Variants in TAFA5 observed in about 807,000 individuals in gnomAD.
The protein encoded by TAFA5 is TAFA chemokine like family member 5.
TAFA5 carries 6 observed loss-of-function variants against 15.3 expected under a neutral mutation model. That is an observed-to-expected ratio of 0.39 (90% CI 0.21 to 0.77). The LOEUF is 0.77. TAFA5 is among the 30% of genes least tolerant of loss of function. The pLI, the probability that TAFA5 is intolerant of heterozygous loss-of-function variation, is 0.41. For synonymous variants in TAFA5, 103 were observed against 80.7 expected (o/e 1.28, Z -1.48); for missense variants, 161 against 193.1 (o/e 0.83, Z 0.98).
At chr22:48,574,339 G>A (rs1344352757) in intron 1 of TAFA5, among the ~76,000 whole-genome samples, 1 of 152,120 alleles carries the variant, frequency 6.6e-6, no homozygotes, top group Non-Finnish European at 1.5e-5. Flanking sequence ...TTCGTGGATG[G>A]CCTCTCCCCT....
Position 48,750,095 on chromosome 22 carries a change from CTG to C in TAFA5, c.*251_*252del. ...GCACCTGGCATCAGCAATACGCAGTCTGTGGGAGCCCGGCCGCGCCCAGCCCC... is the reference window on the plus strand; with the variant it reads ...GCACCTGGCATCAGCAATACGCAGTCTGGGAGCCCGGCCGCGCCCAGCCCC... On this transcript the variant is annotated 3_prime_UTR_variant, in exon 4 of 4. Coordinates refer to ENST00000402357, the MANE Select transcript of TAFA5 (RefSeq NM_001082967.3). 1.8e-6 allele frequency: 1 copy of C among 555,150 alleles called. No homozygotes were observed. Among genetic ancestry groups the C allele is most frequent in the Admixed American group, 3.3e-5 (1 of 30,734 alleles). 34.4% of individuals were successfully genotyped at this position (555,150 alleles called of 1,614,324 possible).
intron 1 of TAFA5, among the ~76,000 whole-genome samples, chr22:48,639,471 G>A (rs1003797370): frequency 6.6e-6 from 1 of 152,214 alleles, no homozygotes. Flanking sequence ...CACACGGTTT[G>A]TGGGTCTGCG....
At chr22:48,557,867 T>C (rs913537428) in intron 1 of TAFA5, among the ~76,000 whole-genome samples, 5 of 152,162 alleles carry the variant, frequency 3.3e-5, no homozygotes, top group South Asian at 2.1e-4. Flanking sequence ...CCCCTGAAAA[T>C]GGGTCCCAGG....
At chr22:48,707,435 G>A (rs1376216957) in intron 2 of TAFA5, among the ~76,000 whole-genome samples, 3 of 152,152 alleles carry the variant, frequency 2.0e-5, no homozygotes, top group Non-Finnish European at 4.4e-5. Flanking sequence ...AGGGGCCATG[G>A]CTCTGCTTCA....
intron 3 of TAFA5, 77 bp from the exon 4 acceptor site, chr22:48,749,762 G>C (rs1009245439): frequency 6.6e-7 from 1 of 1,517,702 alleles, no homozygotes; most frequent in African/African-American, 1.4e-5. Flanking sequence ...GCCGGGGAGG[G>C]AAGAGGAGCC....
chr22:48,543,727 A>G (rs889093202), intron 1 of TAFA5: 13 of 152,436 alleles, frequency 8.5e-5, no homozygotes. Context: ...TGCTCAGTGC[A>G]GAGGCTGCTC....
intron 1 of TAFA5, among the ~76,000 whole-genome samples, chr22:48,600,732 G>T (rs1225982104): frequency 6.6e-6 from 1 of 152,214 alleles, no homozygotes; most frequent in Non-Finnish European, 1.5e-5. Context: ...CTTCTGCGTA[G>T]GGTGGTGGTG....
chr22:48,534,172 G>A (rs1196847665), intron 1 of TAFA5, among the ~76,000 whole-genome samples: 1 of 148,632 alleles, frequency 6.7e-6, no homozygotes, highest in Non-Finnish European at 1.5e-5. Context: ...GGGCCAGGCA[G>A]GTGAGGTGGG....
Position 48,489,640 on chromosome 22 carries a change from GC to G in TAFA5, c.51del (p.Ser18AlafsTer10). On this transcript the variant is annotated frameshift_variant, in exon 1 of 4. Transcript: ENST00000402357. LOFTEE classifies it high-confidence loss of function. This position sits in a 1 kb window ranked among gnomAD's most constrained non-coding sequence, Gnocchi z 5.5. ...GCAGCCGGCAAGATGCGACCGCCCT[GC>G]CCAGCATGTCCTCAACTTTCTGGGC... ...TGSRQDATAL[P>X]SMSSTFWAFM... 1.3e-6 allele frequency: 2 copies of G among 1,527,380 alleles called. No homozygotes were observed. The highest frequency in any genetic ancestry group is 2.0e-5 in the Admixed American group (1 of 49,850). 94.6% of individuals were successfully genotyped at this position (1,527,380 alleles called of 1,614,324 possible). A position where few individuals can be genotyped will look rare whatever the true frequency, so the allele number is the denominator to read the frequency against.
chr22:48,615,813 C>CAGAG (rs1925582092), intron 1 of TAFA5, among the ~76,000 whole-genome samples: 2 of 152,006 alleles, frequency 1.3e-5, no homozygotes, highest in African/African-American at 2.4e-5. Flanking sequence ...AGCTCCTGTC[C>CAGAG]GCAGAGAACC....
chr22:48,666,469 A>G lies in TAFA5; in HGVS notation c.262+19723A>G, dbSNP rs548737510. ...CTGGACTCTCTTATTGGCAAGGTCC[A>G]CTGGTTACAATTGATGAGCCAATAC... On this transcript the variant is annotated intron_variant, in intron 2 of 3. Coordinates refer to ENST00000402357, the MANE Select transcript of TAFA5 (RefSeq NM_001082967.3). Among the ~76,000 whole-genome samples the G allele has an allele frequency of 6.0e-5, 3 of 50,338 alleles. No homozygotes were observed. The East Asian group carries it at 5.4e-3, about 91-fold the overall frequency. The allele number at this position is 50,338 out of a possible 152,430, so 33.0% of individuals were successfully genotyped here.
Position 48,489,654 on chromosome 22 carries a change from C to A in TAFA5, c.62C>A (p.Ser21Ter). The change falls in exon 1 of 4, where the codon TCA becomes TAA. Residue 21 changes from serine to a stop codon, truncating the protein, a stop_gained. Coordinates refer to ENST00000402357, the MANE Select transcript of TAFA5 (RefSeq NM_001082967.3). LOFTEE classifies it high-confidence loss of function. The surrounding 1 kb of genome is among the most constrained non-coding windows in gnomAD (Gnocchi z 5.5). The part of the protein sequence containing the change: ...QDATALPSMS[S>*]TFWAFMILAS... The stretch of plus-strand genomic sequence containing the variant: ...GCGACCGCCCTGCCCAGCATGTCCT[C>A]AACTTTCTGGGCGTTCATGATCCTG... 6.5e-7 allele frequency: 1 copy of A among 1,532,360 alleles called. No homozygotes were observed. The highest frequency in any genetic ancestry group is 8.8e-7 in the Non-Finnish European group (1 of 1,140,172). The allele number at this position is 1,532,360 out of a possible 1,614,324, so 94.9% of individuals were successfully genotyped here. A position where few individuals can be genotyped will look rare whatever the true frequency, so the allele number is the denominator to read the frequency against.
At chr22:48,557,815 T>G (rs1024367527) in intron 1 of TAFA5, among the ~76,000 whole-genome samples, 1 of 152,126 alleles carries the variant, frequency 6.6e-6, no homozygotes, top group African/African-American at 2.4e-5. Flanking sequence ...TAGAGCTCCC[T>G]CCCCGAGGTC....
At chr22:48,657,057 C>T (rs1927277557) in intron 2 of TAFA5, among the ~76,000 whole-genome samples, 1 of 152,144 alleles carries the variant, frequency 6.6e-6, no homozygotes, top group South Asian at 2.1e-4. Flanking sequence ...AGGTGTGAGC[C>T]ACTGCCCACC....
intron 3 of TAFA5, among the ~76,000 whole-genome samples, chr22:48,722,453 A>T (rs1396134210): frequency 6.6e-6 from 1 of 152,226 alleles, no homozygotes; most frequent in Non-Finnish European, 1.5e-5. Flanking sequence ...AACTAACAAC[A>T]GGAACAGAAA....
chr22:48,719,272 C>T (rs1266537527), intron 3 of TAFA5, among the ~76,000 whole-genome samples: 1 of 152,160 alleles, frequency 6.6e-6, no homozygotes, highest in Non-Finnish European at 1.5e-5. Context: ...AACCGCCCCT[C>T]GGGTGAGGTG....
intron 1 of TAFA5, among the ~76,000 whole-genome samples, chr22:48,531,152 G>A (rs1921958075): frequency 6.6e-6 from 1 of 152,164 alleles, no homozygotes; most frequent in Non-Finnish European, 1.5e-5. Flanking sequence ...GGGTCTGCAT[G>A]GGGAACCTTC....
rs181908340 is a variant in TAFA5, at chr22:48,707,348, G to A, written c.263-369G>A. Among the ~76,000 whole-genome samples the A allele has an allele frequency of 4.1e-3, 623 of 152,240 alleles. 3 individuals carry two copies. Among genetic ancestry groups the A allele is most frequent in the African/African-American group, 0.015 (603 of 41,542 alleles). On this transcript the variant is annotated intron_variant, in intron 2 of 3. Coordinates refer to ENST00000402357, the MANE Select transcript of TAFA5 (RefSeq NM_001082967.3). ...GCTGTATCTGAGGATGTCCTGACTG[G>A]GAACCCCCTCCTCCTGCCTTCTTCT...
At chr22:48,626,956 C>T (rs1385447416) in intron 1 of TAFA5, among the ~76,000 whole-genome samples, 4 of 152,186 alleles carry the variant, frequency 2.6e-5, no homozygotes, top group Non-Finnish European at 2.9e-5. Context: ...TCCTGTCCTC[C>T]GTGGGATTGC....
Sources: gnomAD v4.1 joint callset for allele counts (sites outside exome capture counted in the v4.1 genomes callset) on GRCh38, gnomAD v4.1.1 for gene constraint, Gnocchi (gnomAD v3.1) non-coding constraint, MANE v1.5 for transcripts, NCBI Gene and HGNC (gene_info 2026-07-23, HGNC 2026-07-21) for gene names.